Variants in COPB1 observed in about 807,000 individuals in gnomAD.
COPB1 encodes the protein coatomer subunit beta.
Under a neutral mutation model 108.7 loss-of-function variants are expected in COPB1, and 21 were observed. That is an observed-to-expected ratio of 0.19 (90% CI 0.14 to 0.28). COPB1 has a LOEUF of 0.28. Ranked by LOEUF, COPB1 falls within the 10% of genes least tolerant of loss-of-function variation. The pLI is 1.00. For synonymous variants in COPB1, 378 were observed against 386.8 expected, an observed-to-expected ratio of 0.98 and a Z score of 0.27; for missense variants, 919 against 1,141.3, an observed-to-expected ratio of 0.81 and a Z score of 2.81.
At chr11:14,481,126 A>G (rs751287562) in intron 8 of COPB1, 29 bp from the exon 9 acceptor site, 2 of 1,540,228 alleles carry the variant, frequency 1.3e-6, no homozygotes, top group Admixed American at 3.5e-5. Context: ...TCAAGAATTA[A>G]CACCAATCTT....
chr11:14,472,427 G>A (rs1444399146), intron 14 of COPB1, among the ~76,000 whole-genome samples: 1 of 152,140 alleles, frequency 6.6e-6, no homozygotes. Flanking sequence ...ACAGAGCACA[G>A]ACAGAGTTGA....
intron 8 of COPB1, among the ~76,000 whole-genome samples, chr11:14,481,750 T>A (rs768137418): frequency 6.6e-6 from 1 of 152,204 alleles, no homozygotes; most frequent in African/African-American, 2.4e-5. Flanking sequence ...CTCCTGTATA[T>A]CCTTCACCTA....
intron 5 of COPB1, among the ~76,000 whole-genome samples, chr11:14,489,686 G>C (rs1202149834): frequency 6.6e-6 from 1 of 152,174 alleles, no homozygotes; most frequent in African/African-American, 2.4e-5. Flanking sequence ...CACAGAGACA[G>C]CAAGTAGAAT....
At chr11:14,464,542 A>AGGTAAAAT (rs1276609716) in intron 18 of COPB1, among the ~76,000 whole-genome samples, 3 of 152,334 alleles carry the variant, frequency 2.0e-5, no homozygotes, top group African/African-American at 7.2e-5. Flanking sequence ...CAAATGACTC[A>AGGTAAAAT]GGTAAAATAT....
At chr11:14,465,538 T>C (rs1351571653) in intron 17 of COPB1, among the ~76,000 whole-genome samples, 1 of 152,168 alleles carries the variant, frequency 6.6e-6, no homozygotes, top group Non-Finnish European at 1.5e-5. Context: ...TCATTTTATT[T>C]CAATGAATGA....
chr11:14,498,222 T>C (rs985470878), intron 2 of COPB1, among the ~76,000 whole-genome samples: 1 of 152,206 alleles, frequency 6.6e-6, no homozygotes, highest in African/African-American at 2.4e-5. Context: ...GATACTCCAT[T>C]TTTCCATGTG....
At chr11:14,461,061 C>A in intron 19 of COPB1, 125 bp downstream of exon 19, 1 of 1,200,502 alleles carries the variant, frequency 8.3e-7, no homozygotes, top group South Asian at 1.3e-5. Context: ...AGAACAGATA[C>A]TGAAAGACTA....
At chr11:14,469,877 AAAAG>A (rs1289864459) in intron 14 of COPB1, among the ~76,000 whole-genome samples, 1 of 152,224 alleles carries the variant, frequency 6.6e-6, no homozygotes, top group East Asian at 1.9e-4. Flanking sequence ...CAGAAAAGTT[AAAAG>A]AATGATATAC....
At chr11:14,491,395 C>A (rs905753766) in intron 4 of COPB1, among the ~76,000 whole-genome samples, 2 of 152,084 alleles carry the variant, frequency 1.3e-5, no homozygotes, top group Non-Finnish European at 2.9e-5. Flanking sequence ...AGGAGCCGGG[C>A]GCAGTGGCTC....
chr11:14,478,118 A>G (rs1397035736), intron 11 of COPB1, among the ~76,000 whole-genome samples: 2 of 152,178 alleles, frequency 1.3e-5, no homozygotes, highest in African/African-American at 2.4e-5. Context: ...CTCTCCAGAA[A>G]TCACAAAGAT....
chr11:14,480,691 C>T lies in COPB1; in HGVS notation c.1212+68G>A. On this transcript the variant is annotated intron_variant, in intron 10 of 21. Coordinates refer to ENST00000439561, the MANE Select transcript of COPB1 (RefSeq NM_001144061.2). ...GGCAGCTGAGATTTCTGGAGTTTGT[C>T]AAATAACTATATTTTTTAAAAAATT... 4 of 1,475,270 alleles carry T rather than the reference C, an allele frequency of 2.7e-6. 1 individual carries two copies. The East Asian group carries it at 9.8e-5, about 36-fold the overall frequency. 91.4% of individuals were successfully genotyped at this position (1,475,270 alleles called of 1,614,324 possible). A position where few individuals can be genotyped will look rare whatever the true frequency, so the allele number is the denominator to read the frequency against.
In COPB1 at chr11:14,498,911, G is replaced by A. The variant is rs767342768; in HGVS notation, c.18C>T (p.Asn6=). MTAAE[N]VCYTLINVPM... ...GCACGTTAATTAACGTGTAGCATAC[G>A]TTCTCAGCCGCCGTCATGGTTTCTG... Residue 6 remains asparagine, a synonymous_variant, in exon 2 of 22, where the codon AAC becomes AAT. Coordinates refer to ENST00000439561, the MANE Select transcript of COPB1 (RefSeq NM_001144061.2). The A allele has an allele frequency of 3.1e-6, 5 of 1,608,158 alleles. No individual in the cohort carries two copies. The highest frequency in any genetic ancestry group is 4.2e-6 in the Non-Finnish European group (5 of 1,178,826).
chr11:14,474,134 A>G (rs1850466931), intron 14 of COPB1: 1 of 169,760 alleles, frequency 5.9e-6, no homozygotes, highest in Non-Finnish European at 1.3e-5. Flanking sequence ...ACATTCTGGG[A>G]TAAAACAGAC....
intron 14 of COPB1, among the ~76,000 whole-genome samples, chr11:14,470,944 A>G (rs369365581): frequency 1.1e-5 from 1 of 90,156 alleles, no homozygotes; most frequent in Non-Finnish European, 2.2e-5. Context: ...ACACACACAC[A>G]CTCTCTCTCT....
intron 6 of COPB1, among the ~76,000 whole-genome samples, chr11:14,487,115 T>A (rs979262806): frequency 6.6e-6 from 1 of 152,236 alleles, no homozygotes; most frequent in Non-Finnish European, 1.5e-5. Flanking sequence ...ATATTCAACA[T>A]TGGAGAGAAA....
chr11:14,457,816 G>A lies in COPB1; in HGVS notation c.*8C>T, dbSNP rs755695147. 15 of 1,562,668 alleles carry A rather than the reference G, an allele frequency of 9.6e-6. No individual in the cohort carries two copies. The highest frequency in any genetic ancestry group is 1.3e-5 in the Non-Finnish European group (15 of 1,136,134). Reference sequence around the variant, plus strand: ...AACTGTAAAGCTTCAAGGACTTTTTGTTTATTTTTATATACTAGTTTTCTT... The same window carrying A: ...AACTGTAAAGCTTCAAGGACTTTTTATTTATTTTTATATACTAGTTTTCTT... On this transcript the variant is annotated 3_prime_UTR_variant, in exon 22 of 22. Transcript: ENST00000439561.
chr11:14,466,189 A>G, intron 17 of COPB1, 93 bp downstream of exon 17: 1 of 1,219,308 alleles, frequency 8.2e-7, no homozygotes, highest in South Asian at 1.9e-5. Context: ...AAGGTTCAAG[A>G]GAATTTTTAT....
Position 14,481,005 on chromosome 11 carries a change from A to G in COPB1, c.1050T>C (p.Ser350=), listed in dbSNP as rs1410828015. The G allele has an allele frequency of 2.5e-6, 4 of 1,613,652 alleles. No homozygotes were observed. The highest frequency in any genetic ancestry group is 2.7e-5 in the African/African-American group (2 of 74,936). ...TTCCTTTTACCTCTTCAACATTTCT[A>G]GAAGAGACAAGATCCAGTGCTAACT... ...TLQLALDLVS[S]RNVEELVIVL... Residue 350 remains serine (S), a synonymous_variant, in exon 9 of 22, where the codon TCT becomes TCC. Transcript: ENST00000439561.
At chr11:14,488,103 A>G (rs1327933222) in intron 6 of COPB1, among the ~76,000 whole-genome samples, 2 of 152,326 alleles carry the variant, frequency 1.3e-5, no homozygotes, top group African/African-American at 4.8e-5. Flanking sequence ...CTCTTTTACA[A>G]ACAGGGAACA....
Sources: allele counts gnomAD v4.1 joint callset (sites outside exome capture counted in the v4.1 genomes callset), GRCh38; gene constraint gnomAD v4.1.1; transcripts MANE v1.5; gene names NCBI Gene and HGNC (gene_info 2026-07-23, HGNC 2026-07-21).